Variants in PRKCE observed in about 807,000 individuals in gnomAD.
PRKCE encodes the protein protein kinase C epsilon type.
PRKCE carries 16 observed loss-of-function variants against 85.4 expected under a neutral mutation model. That is an observed-to-expected ratio of 0.19 (90% CI 0.13 to 0.28). The LOEUF is 0.28. Among genes scored for constraint, PRKCE ranks in the 10% least tolerant of loss-of-function variants. PRKCE has a pLI of 1.00. For missense variants in PRKCE, 573 were observed against 975.2 expected, an observed-to-expected ratio of 0.59 and a Z score of 5.49; for synonymous variants, 388 against 371.5, an observed-to-expected ratio of 1.04 and a Z score of -0.51.
chr2:46,101,987 C>G (rs1428143175), intron 11 of PRKCE, among the ~76,000 whole-genome samples: 1 of 152,040 alleles, frequency 6.6e-6, no homozygotes, highest in Non-Finnish European at 1.5e-5. Context: ...CACAAAATTC[C>G]TGAAATTTTA....
chr2:45,743,169 A>G (rs1264809741), intron 1 of PRKCE, among the ~76,000 whole-genome samples: 1 of 152,164 alleles, frequency 6.6e-6, no homozygotes, highest in East Asian at 1.9e-4. Context: ...TTATAAGATG[A>G]ATAAGTTCTG....
intron 1 of PRKCE, among the ~76,000 whole-genome samples, chr2:45,744,465 CTTTCTTTCTTTCTTTCTTTCTT>C (rs1682905500): frequency 1.9e-5 from 1 of 54,018 alleles, no homozygotes. Context: ...TTCTTTCTTT[CTTTCTTTCTTTCTTTCTTTCTT>C]TTTCTTTCTT....
chr2:45,691,506 T>A (rs781478491), intron 1 of PRKCE, among the ~76,000 whole-genome samples: 4 of 152,214 alleles, frequency 2.6e-5, no homozygotes, highest in African/African-American at 9.6e-5. Context: ...AGAGAATAAC[T>A]AACTGTCTGG....
At chr2:45,717,795 A>G (rs942600413) in intron 1 of PRKCE, among the ~76,000 whole-genome samples, 2 of 152,208 alleles carry the variant, frequency 1.3e-5, no homozygotes, top group African/African-American at 2.4e-5. Flanking sequence ...ATGAGAGTCA[A>G]ACTGCATAAT....
At chr2:46,167,410 A>G (rs550955937) in intron 14 of PRKCE, among the ~76,000 whole-genome samples, 1 of 152,290 alleles carries the variant, frequency 6.6e-6, no homozygotes, top group South Asian at 2.1e-4. Flanking sequence ...GGTGAGGAGG[A>G]CAACAGGAGC....
intron 10 of PRKCE, among the ~76,000 whole-genome samples, chr2:46,017,882 A>G (rs1574242637): frequency 6.6e-6 from 1 of 152,336 alleles, no homozygotes; most frequent in African/African-American, 2.4e-5. Context: ...CCAGATTGGA[A>G]TAAAGGTTTC....
chr2:46,156,451 G>T (rs1316489402), intron 13 of PRKCE, among the ~76,000 whole-genome samples: 3 of 152,192 alleles, frequency 2.0e-5, no homozygotes, highest in African/African-American at 4.8e-5. Flanking sequence ...TACATGCCCC[G>T]TGAGGGCAGG....
intron 10 of PRKCE, among the ~76,000 whole-genome samples, chr2:46,063,688 T>A (rs1667358875): frequency 6.6e-6 from 1 of 152,186 alleles, no homozygotes; most frequent in Admixed American, 6.5e-5. Flanking sequence ...GTGACCATCT[T>A]GCAAGGGGCA....
chr2:45,860,018 A>G (rs1366674223), intron 2 of PRKCE, among the ~76,000 whole-genome samples: 1 of 152,126 alleles, frequency 6.6e-6, no homozygotes, highest in East Asian at 1.9e-4. Context: ...CTTTTTTGTT[A>G]CTGGAGCTGC....
intron 13 of PRKCE, among the ~76,000 whole-genome samples, chr2:46,153,774 T>A (rs1038087727): frequency 2.0e-4 from 28 of 140,856 alleles, no homozygotes; most frequent in Non-Finnish European, 3.8e-4. Context: ...TTCCTCTTCT[T>A]CTTCTTCTTT....
At chr2:45,651,568 C>G (rs918452630), upstream of PRKCE, 1 of 154,952 alleles carries the variant, frequency 6.5e-6, no homozygotes, top group African/African-American at 2.4e-5. Flanking sequence ...CCCCGCCCCG[C>G]GCGGTCAGAG....
chr2:45,698,291 C>T (rs1444683141), intron 1 of PRKCE, among the ~76,000 whole-genome samples: 1 of 152,142 alleles, frequency 6.6e-6, no homozygotes, highest in Non-Finnish European at 1.5e-5. Context: ...TACCAGCATC[C>T]TAAAATCATA....
At chr2:45,678,681 T>A (rs1034001304) in intron 1 of PRKCE, among the ~76,000 whole-genome samples, 1 of 149,312 alleles carries the variant, frequency 6.7e-6, no homozygotes, top group African/African-American at 2.5e-5. Flanking sequence ...GTTTATCATG[T>A]AATTATCTGG....
chr2:46,032,849 C>T (rs1707623381), intron 10 of PRKCE, among the ~76,000 whole-genome samples: 3 of 152,296 alleles, frequency 2.0e-5, no homozygotes, highest in Admixed American at 6.5e-5. Context: ...TTTCATGTTT[C>T]CCAGCTGAGA....
chr2:46,103,313 C>T (rs181096590), intron 11 of PRKCE, among the ~76,000 whole-genome samples: 8 of 152,220 alleles, frequency 5.3e-5, no homozygotes, highest in African/African-American at 1.9e-4. Flanking sequence ...ATATTTCTTG[C>T]CCCAGTCCTA....
chr2:45,960,659 G>A (rs916969231), intron 2 of PRKCE, among the ~76,000 whole-genome samples: 4 of 152,184 alleles, frequency 2.6e-5, no homozygotes, highest in African/African-American at 9.7e-5. Flanking sequence ...GTTCCTAACA[G>A]GCCACAGACC....
intron 6 of PRKCE, among the ~76,000 whole-genome samples, chr2:45,999,045 A>G (rs1403022113): frequency 6.6e-6 from 1 of 152,206 alleles, no homozygotes; most frequent in East Asian, 1.9e-4. Flanking sequence ...GCATATATGA[A>G]ATACTATAAT....
At chr2:46,149,336 C>T (rs569183152) in intron 12 of PRKCE, among the ~76,000 whole-genome samples, 22 of 152,234 alleles carry the variant, frequency 1.4e-4, no homozygotes, top group African/African-American at 5.3e-4. Context: ...AAAGTGTTCC[C>T]CCTTGCAGGA....
At chr2:45,910,475 G>T (rs1047850351) in intron 2 of PRKCE, among the ~76,000 whole-genome samples, 1 of 152,182 alleles carries the variant, frequency 6.6e-6, no homozygotes, top group Admixed American at 6.5e-5. Flanking sequence ...CGATAGAAAG[G>T]ATAACCTGGG....
Sources: gnomAD v4.1 joint callset for allele counts (sites outside exome capture counted in the v4.1 genomes callset) on GRCh38, gnomAD v4.1.1 for gene constraint, MANE v1.5 for transcripts, NCBI Gene and HGNC (gene_info 2026-07-23, HGNC 2026-07-21) for gene names.